The following ST6GAL1 variants were observed in gnomAD, a reference collection of about 807,000 sequenced individuals.
ST6GAL1 encodes the protein ST6 beta-galactoside alpha-2,6-sialyltransferase 1.
A neutral mutation model predicts 38.0 loss-of-function variants in ST6GAL1; 20 were observed. The observed-to-expected ratio is 0.53, with a 90% CI of 0.37 to 0.77. The LOEUF is 0.77. Ranked by LOEUF, ST6GAL1 falls within the 30% of genes least tolerant of loss-of-function variation. The probability of loss-of-function intolerance (pLI) is 0.00; values close to 1 mark genes in which losing one functional copy is unlikely to be tolerated. For missense variants in ST6GAL1, 432 were observed against 496.4 expected, an observed-to-expected ratio of 0.87 and a Z score of 1.23; for synonymous variants, 196 against 188.2, an observed-to-expected ratio of 1.04 and a Z score of -0.34.
At chr3:187,072,679 G>C in intron 5 of ST6GAL1, 170 bp from the exon 6 acceptor site, 1 of 692,020 alleles carries the variant, frequency 1.4e-6, no homozygotes, top group Non-Finnish European at 2.7e-6. Context: ...ACACAGTGCA[G>C]GCTGGTATCT....
chr3:187,074,474 C>T, intron 7 of ST6GAL1, 141 bp downstream of exon 7: 2 of 879,826 alleles, frequency 2.3e-6, no homozygotes, highest in East Asian at 3.1e-5. Context: ...GTAGACCATG[C>T]CAAGTTCTAT....
chr3:186,964,690 A>C (rs1430083778), intron 2 of ST6GAL1, among the ~76,000 whole-genome samples: 1 of 152,214 alleles, frequency 6.6e-6, no homozygotes, highest in African/African-American at 2.4e-5. Context: ...AAAACGATTA[A>C]AAACAATGGG....
At chr3:187,074,531 T>G (rs1719496865) in intron 7 of ST6GAL1, among the ~76,000 whole-genome samples, 198 bp downstream of exon 7, 1 of 152,170 alleles carries the variant, frequency 6.6e-6, no homozygotes. Flanking sequence ...CCTGAGGGCA[T>G]CTATTGGGGA....
At chr3:186,969,215 G>T (rs1037777597) in intron 2 of ST6GAL1, among the ~76,000 whole-genome samples, 1 of 151,470 alleles carries the variant, frequency 6.6e-6, no homozygotes, top group Non-Finnish European at 1.5e-5. Flanking sequence ...ACCATGCCTG[G>T]CCTATTTTTG....
intron 2 of ST6GAL1, among the ~76,000 whole-genome samples, chr3:186,974,043 G>T (rs1029257362): frequency 6.6e-6 from 1 of 152,216 alleles, no homozygotes; most frequent in African/African-American, 2.4e-5. Flanking sequence ...GTGGTGTTGC[G>T]TGAATGAACC....
rs965490558 is a variant in ST6GAL1 at position 187,072,956 on chromosome 3, G to A, written c.804+9G>A. 1 of 1,603,606 alleles carries A rather than the reference G, an allele frequency of 6.2e-7. No homozygotes were observed. The highest frequency in any genetic ancestry group is 8.5e-7 in the Non-Finnish European group (1 of 1,170,500). On this transcript the variant is annotated intron_variant, in intron 6 of 7. Coordinates refer to ENST00000169298, the MANE Select transcript of ST6GAL1 (RefSeq NM_173216.2). Reference sequence around the variant, plus strand: ...ACTCAGATATCCCAAAGGTAAGTGGGTGTCCGTGGGAAATAGGGGTTGAGT... The same window carrying A: ...ACTCAGATATCCCAAAGGTAAGTGGATGTCCGTGGGAAATAGGGGTTGAGT...
At chr3:187,073,837 G>A in intron 6 of ST6GAL1, 1 of 215,598 alleles carries the variant, frequency 4.6e-6, no homozygotes, top group Non-Finnish European at 9.0e-6. Context: ...AAAAATGAGA[G>A]ATGGGGCCAG....
chr3:187,014,936 C>G (rs181434052), intron 2 of ST6GAL1, among the ~76,000 whole-genome samples: 1 of 152,108 alleles, frequency 6.6e-6, no homozygotes, highest in African/African-American at 2.4e-5. Flanking sequence ...CCCCTTACAC[C>G]GTAAATACAA....
rs148589701 is a variant in ST6GAL1, at chr3:186,987,733, G to T, written c.-183+23807G>T. On this transcript the variant is annotated intron_variant, in intron 2 of 7. Transcript: ENST00000169298. ...GAATAATTATAAACCAACTGTATCA[G>T]GCAGTAACTGAGTTGACCTATGGAA... Among the ~76,000 whole-genome samples the T allele has an allele frequency of 7.7e-3, 1,172 of 152,264 alleles. 16 individuals carry two copies. Among genetic ancestry groups the T allele is most frequent in the African/African-American group, 0.027 (1,120 of 41,540 alleles).
In ST6GAL1 at chr3:187,058,012, C is replaced by T. The variant is rs190967102; in HGVS notation, c.705+6666C>T. On this transcript the variant is annotated intron_variant, in intron 5 of 7. Coordinates refer to ENST00000169298, the MANE Select transcript of ST6GAL1 (RefSeq NM_173216.2). The stretch of plus-strand genomic sequence containing the variant: ...CAAGCCTCAGCAATGGCAGACGCCC[C>T]TCCCCCGCCAGGCTGCTGTCTTGCA... 3.8e-3 allele frequency among the ~76,000 whole-genome samples: 580 copies of T among 152,322 alleles called. 11 individuals carry two copies. Among genetic ancestry groups the T allele is most frequent in the African/African-American group, 0.013 (546 of 41,562 alleles).
rs192852112 is a variant in ST6GAL1 at position 187,047,864 on chromosome 3, G to A, written c.608-3385G>A. Among the ~76,000 whole-genome samples, 863 of 152,040 alleles carry A rather than the reference G, an allele frequency of 5.7e-3. 13 individuals carry two copies. The highest frequency in any genetic ancestry group is 0.026 in the Admixed American group (394 of 15,284). On this transcript the variant is annotated intron_variant, in intron 4 of 7. Coordinates refer to ENST00000169298, the MANE Select transcript of ST6GAL1 (RefSeq NM_173216.2). ...TGATATTTTGGTACATGCATACAAT[G>A]CGCAATGATCAGATTGGGTAATTAG...
chr3:186,956,647 AT>A (rs1362659139), intron 1 of ST6GAL1, among the ~76,000 whole-genome samples: 1 of 152,224 alleles, frequency 6.6e-6, no homozygotes, highest in African/African-American at 2.4e-5. Context: ...GTCTTTCTGC[AT>A]AAACTTAAGA....
chr3:187,047,689 A>G (rs1718347067), intron 4 of ST6GAL1, among the ~76,000 whole-genome samples: 1 of 152,064 alleles, frequency 6.6e-6, no homozygotes, highest in South Asian at 2.1e-4. Flanking sequence ...GTGATTTCTT[A>G]GAGGCCTATT....
chr3:187,053,284 C>T (rs943437578), intron 5 of ST6GAL1, among the ~76,000 whole-genome samples: 21 of 152,172 alleles, frequency 1.4e-4, no homozygotes, highest in African/African-American at 4.8e-4. Context: ...TTTTGCTGTG[C>T]AGAAGCTCTT....
At chr3:187,016,225 A>C (rs942496083) in intron 2 of ST6GAL1, among the ~76,000 whole-genome samples, 1 of 152,170 alleles carries the variant, frequency 6.6e-6, no homozygotes, top group Non-Finnish European at 1.5e-5. Context: ...AACACACACC[A>C]CAAGCCCCCG....
chr3:186,932,374 A>T (rs1713789710), intron 1 of ST6GAL1, among the ~76,000 whole-genome samples: 2 of 152,358 alleles, frequency 1.3e-5, no homozygotes, highest in African/African-American at 2.4e-5. Flanking sequence ...GGATTCTGTG[A>T]TTGGCCTAAA....
At chr3:187,002,767 G>A (rs985296386) in intron 2 of ST6GAL1, among the ~76,000 whole-genome samples, 1 of 152,190 alleles carries the variant, frequency 6.6e-6, no homozygotes, top group African/African-American at 2.4e-5. Context: ...TCAATAGCAT[G>A]TATGTGTGTG....
At chr3:186,957,068 T>C (rs184757618) in intron 1 of ST6GAL1, among the ~76,000 whole-genome samples, 1 of 152,172 alleles carries the variant, frequency 6.6e-6, no homozygotes, top group Non-Finnish European at 1.5e-5. Context: ...AAATTAAAAG[T>C]GTGATAGAAG....
Position 186,985,774 on chromosome 3 carries a change from C to CAA in ST6GAL1, c.-183+21860_-183+21861dup, listed in dbSNP as rs5855120. Among the ~76,000 whole-genome samples the CAA allele has an allele frequency of 4.4e-3, 582 of 131,534 alleles. 3 individuals are homozygous for CAA. Among genetic ancestry groups the CAA allele is most frequent in the South Asian group, 0.011 (43 of 3,950 alleles). The allele number at this position is 131,534 out of a possible 152,430, so 86.3% of individuals were successfully genotyped here. Reference sequence around the variant, plus strand: ...TGGGTGGCAGAGTGAGACCCTGTCTCAAAAAAAAAAAAAGAAAAAAGAAAA... The same window carrying CAA: ...TGGGTGGCAGAGTGAGACCCTGTCTCAAAAAAAAAAAAAAAGAAAAAAGAAAA... On this transcript the variant is annotated intron_variant, in intron 2 of 7. Coordinates refer to ENST00000169298, the MANE Select transcript of ST6GAL1 (RefSeq NM_173216.2).
Sources: allele counts gnomAD v4.1 joint callset (sites outside exome capture counted in the v4.1 genomes callset), GRCh38; gene constraint gnomAD v4.1.1; transcripts MANE v1.5; gene names NCBI Gene and HGNC (gene_info 2026-07-23, HGNC 2026-07-21).